Variants in POU6F2 observed in about 807,000 individuals in gnomAD.
The protein encoded by POU6F2 is POU class 6 homeobox 2.
POU6F2 carries 31 observed loss-of-function variants against 71.3 expected under a neutral mutation model. The ratio of observed to expected loss-of-function variants is 0.43; its 90% confidence interval spans 0.33 to 0.59. POU6F2 has a LOEUF of 0.59. POU6F2 is among the 20% of genes least tolerant of loss of function. The pLI is 0.04. For synonymous variants in POU6F2, 347 were observed against 355.7 expected (o/e 0.98, Z 0.27); for missense variants, 783 against 856.8 (o/e 0.91, Z 1.07).
At position 39,384,317 on chromosome 7, in the gene POU6F2, A is replaced by G. The variant is rs78249695; in HGVS notation, c.973-22283A>G. On this transcript the variant is annotated intron_variant, in intron 5 of 9. Transcript: ENST00000518318. ...ATGGCTGGGCTGTTTCCTTTTTGTA[A>G]TAGCGGTGACAGATGACCGTTAAAA... Among the ~76,000 whole-genome samples, 99 of 152,324 alleles carry G rather than the reference A, an allele frequency of 6.5e-4. 1 individual carries two copies. The East Asian group carries it at 0.012, about 19-fold the overall frequency.
chr7:39,429,691 C>T lies in POU6F2; in HGVS notation c.1114-3386C>T, dbSNP rs544965620. 1.7e-3 allele frequency among the ~76,000 whole-genome samples: 260 copies of T among 152,242 alleles called. 2 individuals carry two copies. The highest frequency in any genetic ancestry group is 2.9e-3 in the Admixed American group (44 of 15,298). ...GTCACAGCCTAGTTGTCCGTGTGCTCAGTGGCAAATCCTTCCATCAGGACT... is the reference window on the plus strand; with the variant it reads ...GTCACAGCCTAGTTGTCCGTGTGCTTAGTGGCAAATCCTTCCATCAGGACT... On this transcript the variant is annotated intron_variant, in intron 6 of 9. Coordinates refer to ENST00000518318, the MANE Select transcript of POU6F2 (RefSeq NM_001370959.1).
rs1246421976 is a variant in POU6F2 at position 39,465,518 on chromosome 7, T to G, written c.*832T>G. ...TTGTTGCTTTTTTCTCACTATGACT[T>G]GTGGGTTTGAGAAAAGAAAATGGAG... On this transcript the variant is annotated 3_prime_UTR_variant, in exon 10 of 10. Coordinates refer to ENST00000518318, the MANE Select transcript of POU6F2 (RefSeq NM_001370959.1). The G allele has an allele frequency of 3.3e-5, 5 of 152,198 alleles. No individual in the cohort carries two copies. The highest frequency in any genetic ancestry group is 7.2e-5 in the African/African-American group (3 of 41,442). 9.4% of individuals were successfully genotyped at this position (152,198 alleles called of 1,614,324 possible).
At chr7:39,269,499 C>T (rs1784306916) in intron 4 of POU6F2, among the ~76,000 whole-genome samples, 1 of 152,250 alleles carries the variant, frequency 6.6e-6, no homozygotes, top group African/African-American at 2.4e-5. Flanking sequence ...CCTGTCTTGG[C>T]CTCCACCAGC....
intron 4 of POU6F2, among the ~76,000 whole-genome samples, chr7:39,255,060 A>G (rs1341730896): frequency 2.0e-5 from 3 of 152,258 alleles, no homozygotes; most frequent in Non-Finnish European, 2.9e-5. Context: ...TCCTTTATAT[A>G]TATCCTAGAC....
intron 4 of POU6F2, among the ~76,000 whole-genome samples, chr7:39,233,075 T>C (rs1794604760): frequency 6.6e-6 from 1 of 152,212 alleles, no homozygotes; most frequent in Admixed American, 6.5e-5. Flanking sequence ...TATTAATTAA[T>C]TCATTTATTT....
intron 1 of POU6F2, among the ~76,000 whole-genome samples, chr7:39,072,941 A>G (rs1242949453): frequency 6.6e-6 from 1 of 152,208 alleles, no homozygotes; most frequent in Non-Finnish European, 1.5e-5. Context: ...CAGGGTGCTA[A>G]GAAAATGTTA....
At chr7:39,039,054 A>G (rs947377096) in intron 1 of POU6F2, among the ~76,000 whole-genome samples, 1 of 152,070 alleles carries the variant, frequency 6.6e-6, no homozygotes, top group Non-Finnish European at 1.5e-5. Flanking sequence ...GTTTGAATTC[A>G]CATAAGTTTT....
intron 4 of POU6F2, among the ~76,000 whole-genome samples, chr7:39,237,886 G>A (rs1163715614): frequency 2.6e-5 from 4 of 152,070 alleles, no homozygotes; most frequent in Non-Finnish European, 5.9e-5. Flanking sequence ...TGGCCACTGT[G>A]AAAAAGCCCT....
chr7:39,409,102 G>A (rs1787496512), intron 6 of POU6F2, among the ~76,000 whole-genome samples: 1 of 152,186 alleles, frequency 6.6e-6, no homozygotes, highest in Non-Finnish European at 1.5e-5. Context: ...AAAATACCAT[G>A]TAAAGTAGGA....
intron 5 of POU6F2, among the ~76,000 whole-genome samples, chr7:39,400,435 T>A (rs1289341678): frequency 6.6e-6 from 1 of 152,168 alleles, no homozygotes; most frequent in Non-Finnish European, 1.5e-5. Context: ...AAGGCTTTCT[T>A]CCAAGGACTC....
chr7:39,341,162 G>A (rs907141239), intron 5 of POU6F2, among the ~76,000 whole-genome samples: 3 of 152,176 alleles, frequency 2.0e-5, no homozygotes, highest in African/African-American at 4.8e-5. Context: ...AGAAAGGCAG[G>A]TGGATTAGAG....
intron 2 of POU6F2, among the ~76,000 whole-genome samples, chr7:39,163,383 G>A (rs972018999): frequency 1.3e-5 from 2 of 152,148 alleles, no homozygotes; most frequent in African/African-American, 4.8e-5. Context: ...AGAGAACACG[G>A]CATTATCAAG....
intron 4 of POU6F2, among the ~76,000 whole-genome samples, chr7:39,329,875 A>T (rs569941058): frequency 6.6e-6 from 1 of 152,346 alleles, no homozygotes; most frequent in South Asian, 2.1e-4. Context: ...TGAGAAAACC[A>T]ATGAAGAAAT....
At chr7:39,416,303 C>A (rs975364223) in intron 6 of POU6F2, among the ~76,000 whole-genome samples, 1 of 152,204 alleles carries the variant, frequency 6.6e-6, no homozygotes, top group Non-Finnish European at 1.5e-5. Context: ...CAGATCTCCA[C>A]TTCTTGCCAG....
chr7:39,230,240 GA>G (rs1024271072), intron 4 of POU6F2, among the ~76,000 whole-genome samples: 9 of 152,138 alleles, frequency 5.9e-5, no homozygotes, highest in Non-Finnish European at 8.8e-5. Flanking sequence ...AGCATTTTGG[GA>G]GGCTGAGACA....
At chr7:39,108,757 A>T (rs369671112) in intron 2 of POU6F2, among the ~76,000 whole-genome samples, 1 of 152,246 alleles carries the variant, frequency 6.6e-6, no homozygotes, top group Non-Finnish European at 1.5e-5. Flanking sequence ...AGATAAAACA[A>T]TCATTAACCA....
chr7:39,397,385 A>G (rs962878021), intron 5 of POU6F2, among the ~76,000 whole-genome samples: 2 of 147,708 alleles, frequency 1.4e-5, no homozygotes, highest in African/African-American at 2.5e-5. Context: ...AGACAAATAT[A>G]TATAGACAAA....
At chr7:39,445,568 C>T (rs1171378539) in intron 7 of POU6F2, among the ~76,000 whole-genome samples, 2 of 152,212 alleles carry the variant, frequency 1.3e-5, no homozygotes, top group Non-Finnish European at 2.9e-5. Flanking sequence ...TAAATCCCTC[C>T]CTCCTCTGTA....
At chr7:39,264,673 T>A (rs1296826883) in intron 4 of POU6F2, among the ~76,000 whole-genome samples, 3 of 152,158 alleles carry the variant, frequency 2.0e-5, no homozygotes, top group Non-Finnish European at 4.4e-5. Flanking sequence ...ACAGGCTAAG[T>A]AGTCAATAAA....
Sources: gnomAD v4.1 joint callset for allele counts (sites outside exome capture counted in the v4.1 genomes callset) on GRCh38, gnomAD v4.1.1 for gene constraint, MANE v1.5 for transcripts, NCBI Gene and HGNC (gene_info 2026-07-23, HGNC 2026-07-21) for gene names.